The following STX18 variants were observed in gnomAD, a reference collection of about 807,000 sequenced individuals.
The protein encoded by STX18 is syntaxin 18.
A neutral mutation model predicts 50.1 loss-of-function variants in STX18; 40 were observed. That is an observed-to-expected ratio of 0.80 (90% CI 0.62 to 1.04). The LOEUF (loss-of-function observed/expected upper bound fraction) is 1.04, where lower values mean the gene tolerates loss of function less well. STX18 is among the 50% of genes least tolerant of loss of function. The probability of loss-of-function intolerance (pLI) is 0.00; values close to 1 mark genes in which losing one functional copy is unlikely to be tolerated. For synonymous variants in STX18, 158 were observed against 151.8 expected, an observed-to-expected ratio of 1.04 and a Z score of -0.30; for missense variants, 410 against 415.8, an observed-to-expected ratio of 0.99 and a Z score of 0.12.
intron 1 of STX18, among the ~76,000 whole-genome samples, chr4:4,520,447 T>G (rs970887740): frequency 6.6e-6 from 1 of 152,170 alleles, no homozygotes; most frequent in Non-Finnish European, 1.5e-5. Flanking sequence ...ACTCATCAAA[T>G]CCTTTCACAT....
intron 5 of STX18, among the ~76,000 whole-genome samples, chr4:4,442,152 C>A (rs1482792595): frequency 6.6e-6 from 1 of 152,138 alleles, no homozygotes; most frequent in East Asian, 1.9e-4. Context: ...AAATTCAAAA[C>A]CAGACTCAAC....
intron 1 of STX18, chr4:4,507,522 A>G: frequency 1.3e-6 from 1 of 769,612 alleles, no homozygotes; most frequent in African/African-American, 1.7e-5. Context: ...CAATTCGAAA[A>G]AGCCGCACAA....
At chr4:4,451,241 G>C (rs1049810715) in intron 5 of STX18, among the ~76,000 whole-genome samples, 2 of 152,158 alleles carry the variant, frequency 1.3e-5, no homozygotes, top group African/African-American at 2.4e-5. Context: ...AAACCCTCAG[G>C]ATTTTATTTA....
chr4:4,540,313 C>G (rs985343524), intron 1 of STX18, among the ~76,000 whole-genome samples: 11 of 152,164 alleles, frequency 7.2e-5, no homozygotes, highest in Admixed American at 5.9e-4. Flanking sequence ...ATCTACAGGG[C>G]AAAATTCAAA....
chr4:4,508,764 T>C (rs779767809), intron 1 of STX18, among the ~76,000 whole-genome samples: 13 of 152,162 alleles, frequency 8.5e-5, no homozygotes, highest in Non-Finnish European at 1.2e-4. Flanking sequence ...CATGTGTCCA[T>C]GTGTTCTCAT....
rs762432373 is a variant in STX18, at chr4:4,496,212, C to T, written c.169-24506G>A. Among the ~76,000 whole-genome samples the T allele has an allele frequency of 3.5e-4, 54 of 152,262 alleles. 1 individual carries two copies. Among genetic ancestry groups the T allele is most frequent in the Non-Finnish European group, 1.5e-4 (10 of 68,022 alleles). ...CAATAAGCGAGATGAACACTGATTT[C>T]TTAAATAGCAACGCCAGTGGTAAGG... On this transcript the variant is annotated intron_variant, in intron 1 of 10. Transcript: ENST00000306200.
At chr4:4,439,804 G>A (rs1385705731) in intron 5 of STX18, among the ~76,000 whole-genome samples, 3 of 152,050 alleles carry the variant, frequency 2.0e-5, no homozygotes, top group Non-Finnish European at 4.4e-5. Context: ...TCTTCCCAGG[G>A]CATCGTCTTC....
intron 7 of STX18, 94 bp from the exon 8 acceptor site, chr4:4,425,316 G>A (rs1028958422): frequency 4.9e-5 from 57 of 1,157,868 alleles, no homozygotes; most frequent in East Asian, 1.2e-4. Flanking sequence ...AATCACTGCC[G>A]AAGCCCCCAT....
intron 1 of STX18, among the ~76,000 whole-genome samples, chr4:4,514,884 G>A (rs1487062375): frequency 6.6e-6 from 1 of 152,048 alleles, no homozygotes; most frequent in Non-Finnish European, 1.5e-5. Flanking sequence ...CTAATCTTTT[G>A]CCTTCTCTAT....
At chr4:4,439,427 AC>A (rs1326528752) in intron 5 of STX18, among the ~76,000 whole-genome samples, 10 of 120,980 alleles carry the variant, frequency 8.3e-5, no homozygotes, top group Non-Finnish European at 1.3e-4. Context: ...ATGTATATAT[AC>A]CCCCCACATA....
chr4:4,455,097 C>A (rs1273012185), intron 5 of STX18, among the ~76,000 whole-genome samples: 2 of 152,176 alleles, frequency 1.3e-5, no homozygotes, highest in African/African-American at 4.8e-5. Flanking sequence ...GTGGCAGAGC[C>A]AGGATTCAAA....
At chr4:4,444,841 A>T (rs185194496) in intron 5 of STX18, among the ~76,000 whole-genome samples, 6 of 136,110 alleles carry the variant, frequency 4.4e-5, no homozygotes. Flanking sequence ...AAATAAACAA[A>T]CATGGGTGCG....
At chr4:4,494,077 C>T (rs989992559) in intron 1 of STX18, among the ~76,000 whole-genome samples, 2 of 152,190 alleles carry the variant, frequency 1.3e-5, no homozygotes, top group African/African-American at 4.8e-5. Context: ...ACACTGGGGT[C>T]AGGTAAGCTA....
At chr4:4,469,512 G>A (rs2108832977) in intron 2 of STX18, among the ~76,000 whole-genome samples, 1 of 152,174 alleles carries the variant, frequency 6.6e-6, no homozygotes. Context: ...AAAATAGCTG[G>A]GAATCATGAA....
chr4:4,468,899 G>A (rs1727762363), intron 2 of STX18, among the ~76,000 whole-genome samples: 2 of 152,248 alleles, frequency 1.3e-5, no homozygotes, highest in East Asian at 3.9e-4. Context: ...TAGATAAATG[G>A]ATAAGCAAAC....
At chr4:4,421,876 T>C (rs948460646) in intron 9 of STX18, among the ~76,000 whole-genome samples, 1 of 152,148 alleles carries the variant, frequency 6.6e-6, no homozygotes, top group Non-Finnish European at 1.5e-5. Flanking sequence ...AAACGAAGCC[T>C]TGAAAAGCTT....
At chr4:4,440,497 G>A (rs1726049334) in intron 5 of STX18, among the ~76,000 whole-genome samples, 1 of 152,216 alleles carries the variant, frequency 6.6e-6, no homozygotes, top group African/African-American at 2.4e-5. Flanking sequence ...ACTGCTCCAT[G>A]TGGGGTATAT....
chr4:4,531,964 C>G (rs909104271), intron 1 of STX18, among the ~76,000 whole-genome samples: 15 of 152,058 alleles, frequency 9.9e-5, no homozygotes, highest in African/African-American at 3.6e-4. Flanking sequence ...CTAGAAGCAG[C>G]CTAAATAGCT....
At chr4:4,506,996 G>A (rs1729738527) in intron 1 of STX18, 1 of 361,502 alleles carries the variant, frequency 2.8e-6, no homozygotes, top group Non-Finnish European at 5.3e-6. Flanking sequence ...AAAAGGTCAA[G>A]CTTACTGTAT....
Sources: gnomAD v4.1 joint callset for allele counts (sites outside exome capture counted in the v4.1 genomes callset) on GRCh38, gnomAD v4.1.1 for gene constraint, MANE v1.5 for transcripts, NCBI Gene and HGNC (gene_info 2026-07-23, HGNC 2026-07-21) for gene names.